NETO1: variants seen among roughly 807,000 people sequenced by gnomAD.
NETO1 encodes neuropilin and tolloid like 1.
NETO1 carries 26 observed loss-of-function variants against 61.3 expected under a neutral mutation model. The ratio of observed to expected loss-of-function variants is 0.42; its 90% confidence interval spans 0.31 to 0.59. NETO1 has a LOEUF of 0.59. NETO1 is among the 20% of genes least tolerant of loss of function. The pLI, the probability that NETO1 is intolerant of heterozygous loss-of-function variation, is 0.12. For synonymous variants in NETO1, 225 were observed against 225.8 expected, an observed-to-expected ratio of 1.00 and a Z score of 0.03; for missense variants, 531 against 662.8, an observed-to-expected ratio of 0.80 and a Z score of 2.18.
In NETO1 at chr18:72,744,423, G is replaced by A. The variant is rs2070389212; in HGVS notation, c.*3756C>T. 2.0e-5 allele frequency: 3 copies of A among 151,948 alleles called. No individual in the cohort carries two copies. Among genetic ancestry groups the A allele is most frequent in the Admixed American group, 6.6e-5 (1 of 15,246 alleles). 9.4% of individuals were successfully genotyped at this position (151,948 alleles called of 1,614,324 possible). On this transcript the variant is annotated 3_prime_UTR_variant, in exon 11 of 11. Transcript: ENST00000327305. The stretch of plus-strand genomic sequence containing the variant: ...TTATTACACCTTTAAGATGGGCTTG[G>A]GAAATATTAATTAAGTGCATAGAGA...
At chr18:72,789,790 C>T (rs2072052473) in intron 6 of NETO1, among the ~76,000 whole-genome samples, 1 of 152,116 alleles carries the variant, frequency 6.6e-6, no homozygotes, top group Non-Finnish European at 1.5e-5. Context: ...TCTTACTTCC[C>T]CTTTCATTCA....
intron 4 of NETO1, among the ~76,000 whole-genome samples, chr18:72,836,515 C>T (rs1360680140): frequency 2.0e-5 from 3 of 152,098 alleles, no homozygotes; most frequent in Non-Finnish European, 2.9e-5. Context: ...GTACCTAGTA[C>T]AGTAGAAGCT....
At chr18:72,752,258 T>C (rs1421387242) in intron 8 of NETO1, among the ~76,000 whole-genome samples, 1 of 152,106 alleles carries the variant, frequency 6.6e-6, no homozygotes, top group Non-Finnish European at 1.5e-5. Context: ...GACTAGACTG[T>C]AGAAAAATTT....
chr18:72,838,392 C>G (rs1413432019), intron 4 of NETO1, among the ~76,000 whole-genome samples: 1 of 152,206 alleles, frequency 6.6e-6, no homozygotes, highest in Non-Finnish European at 1.5e-5. Flanking sequence ...TGTGACATCT[C>G]TAGGTTTCAT....
At chr18:72,772,847 A>C (rs1481749244) in intron 7 of NETO1, among the ~76,000 whole-genome samples, 1,433 of 59,638 alleles carry the variant, frequency 0.024, 41 homozygotes, top group African/African-American at 0.061. Context: ...ATATATATAT[A>C]TATATATATA....
At chr18:72,750,872 TAC>T (rs142668353) in intron 8 of NETO1, among the ~76,000 whole-genome samples, 29,308 of 118,256 alleles carry the variant, frequency 0.25, 3,359 homozygotes, top group African/African-American at 0.3. Flanking sequence ...CAGCTTAAAA[TAC>T]ACACACACAC....
At chr18:72,808,917 T>C (rs1016047533) in intron 4 of NETO1, among the ~76,000 whole-genome samples, 1 of 152,208 alleles carries the variant, frequency 6.6e-6, no homozygotes, top group African/African-American at 2.4e-5. Flanking sequence ...TGCCAAGTGG[T>C]GCCTTGCCAG....
chr18:72,742,469 A>G (rs1272866930), downstream of NETO1: 1 of 152,226 alleles, frequency 6.6e-6, no homozygotes, highest in African/African-American at 2.4e-5. Flanking sequence ...ATAATGCATT[A>G]TAGGATATAA....
chr18:72,782,325 T>A (rs10084088), intron 7 of NETO1, among the ~76,000 whole-genome samples: 1 of 151,962 alleles, frequency 6.6e-6, no homozygotes, highest in Non-Finnish European at 1.5e-5. Flanking sequence ...AACACACACA[T>A]GCATGTGTCT....
chr18:72,762,563 T>C (rs996517379), intron 7 of NETO1, among the ~76,000 whole-genome samples: 2 of 152,204 alleles, frequency 1.3e-5, no homozygotes, highest in African/African-American at 4.8e-5. Context: ...TAAGTTTGCA[T>C]GAAAAAATAC....
Position 72,817,780 on chromosome 18 carries a change from T to C in NETO1, c.470-23376A>G, listed in dbSNP as rs577916804. On this transcript the variant is annotated intron_variant, in intron 4 of 10. Transcript: ENST00000327305. ...AAAAATTGTGACTTCTGTCTTGTTC[T>C]TTCTCTGTCTGTTTCTGTCTGTCTC... Among the ~76,000 whole-genome samples the C allele has an allele frequency of 2.0e-5, 3 of 152,378 alleles. No individual in the cohort carries two copies. In the East Asian group the frequency reaches 5.8e-4, roughly 29 times the overall value.
intron 4 of NETO1, among the ~76,000 whole-genome samples, chr18:72,842,989 C>T (rs2073980915): frequency 6.6e-6 from 1 of 152,090 alleles, no homozygotes; most frequent in South Asian, 2.1e-4. Context: ...CCTCATTATA[C>T]CATTATTTCA....
At chr18:72,858,137 T>A (rs2145636919) in intron 4 of NETO1, among the ~76,000 whole-genome samples, 1 of 152,280 alleles carries the variant, frequency 6.6e-6, no homozygotes, top group South Asian at 2.1e-4. Context: ...TGAAAAAATG[T>A]GATATCCTAT....
chr18:72,796,835 T>C (rs747011643), intron 4 of NETO1, among the ~76,000 whole-genome samples: 17 of 152,152 alleles, frequency 1.1e-4, no homozygotes, highest in Non-Finnish European at 2.1e-4. Flanking sequence ...ATTTAAAAAA[T>C]AGGGACATCA....
intron 4 of NETO1, among the ~76,000 whole-genome samples, chr18:72,813,560 G>A (rs999267205): frequency 3.3e-5 from 5 of 152,106 alleles, no homozygotes; most frequent in African/African-American, 1.2e-4. Flanking sequence ...TTACAAACCA[G>A]ACTGAAAATA....
intron 7 of NETO1, among the ~76,000 whole-genome samples, chr18:72,763,962 G>A (rs2071067361): frequency 6.6e-6 from 1 of 152,106 alleles, no homozygotes; most frequent in Admixed American, 6.6e-5. Flanking sequence ...ATGGTGGCAG[G>A]AGAGAGAAGT....
At chr18:72,858,617 C>T (rs2074475226) in intron 4 of NETO1, among the ~76,000 whole-genome samples, 1 of 152,150 alleles carries the variant, frequency 6.6e-6, no homozygotes, top group African/African-American at 2.4e-5. Context: ...TGAGTCACTA[C>T]TCTTTACCTC....
intron 4 of NETO1, among the ~76,000 whole-genome samples, chr18:72,836,648 C>T (rs991743173): frequency 6.6e-6 from 1 of 152,056 alleles, no homozygotes; most frequent in Non-Finnish European, 1.5e-5. Context: ...TATTGCAAAT[C>T]GTTTTGCATG....
chr18:72,858,994 T>TGATCTCGA lies in NETO1; in HGVS notation c.300_301insTCGAGATC (p.Ile101SerfsTer16). On this transcript the variant is annotated frameshift_variant, in exon 4 of 11. Coordinates refer to ENST00000327305, the MANE Select transcript of NETO1 (RefSeq NM_138966.5). LOFTEE classifies it high-confidence loss of function. ...CCAAAAGGTCCATCTCGAACTTCAA[T>TGATCTCGA]ATGATCAAATTTGCACTCCCAAGAC... is the stretch of plus-strand genomic sequence containing the variant. The TGATCTCGA allele has an allele frequency of 6.2e-7, 1 of 1,613,808 alleles. No individual in the cohort carries two copies. Among genetic ancestry groups the TGATCTCGA allele is most frequent in the Non-Finnish European group, 8.5e-7 (1 of 1,179,828 alleles).
Sources: allele counts gnomAD v4.1 joint callset (sites outside exome capture counted in the v4.1 genomes callset), GRCh38; gene constraint gnomAD v4.1.1; transcripts MANE v1.5; gene names NCBI Gene and HGNC (gene_info 2026-07-23, HGNC 2026-07-21).